Variants in ASTN1 observed in about 807,000 individuals in gnomAD.
ASTN1 encodes astrotactin-1.
A neutral mutation model predicts 140.7 loss-of-function variants in ASTN1; 41 were observed. The ratio of observed to expected loss-of-function variants is 0.29; its 90% CI spans 0.23 to 0.38. The LOEUF (loss-of-function observed/expected upper bound fraction) is 0.38. ASTN1 is among the 10% of genes least tolerant of loss of function. The pLI is 1.00. For missense variants in ASTN1, 1,479 were observed against 1,678.8 expected (o/e 0.88, Z 2.08); for synonymous variants, 640 against 652.2 (o/e 0.98, Z 0.29).
At chr1:177,107,237 G>C (rs1250933903) in intron 1 of ASTN1, among the ~76,000 whole-genome samples, 1 of 152,092 alleles carries the variant, frequency 6.6e-6, no homozygotes, top group East Asian at 1.9e-4. Flanking sequence ...TGCTGGTAGA[G>C]GGTTCATAGC....
intron 1 of ASTN1, among the ~76,000 whole-genome samples, chr1:177,088,168 T>A (rs1679570377): frequency 6.6e-6 from 1 of 152,202 alleles, no homozygotes; most frequent in African/African-American, 2.4e-5. Flanking sequence ...TCTGAATGCC[T>A]CAGATGTGAC....
intron 2 of ASTN1, among the ~76,000 whole-genome samples, chr1:177,056,584 T>TATAC (rs1314323773): frequency 7.9e-6 from 1 of 126,654 alleles, no homozygotes; most frequent in Non-Finnish European, 1.8e-5. Flanking sequence ...TATATATATA[T>TATAC]ATACACATAT....
At chr1:177,138,712 A>G (rs1270454351) in intron 1 of ASTN1, among the ~76,000 whole-genome samples, 3 of 152,208 alleles carry the variant, frequency 2.0e-5, no homozygotes, top group Non-Finnish European at 4.4e-5. Context: ...GAAAGCTTTC[A>G]TTAATCAGGA....
Position 177,014,049 on chromosome 1 carries a change from T to TA in ASTN1, c.1523+741dup, listed in dbSNP as rs752231658. On this transcript the variant is annotated intron_variant, in intron 8 of 22. Coordinates refer to ENST00000361833, the MANE Select transcript of ASTN1 (RefSeq NM_004319.3). The stretch of plus-strand genomic sequence containing the variant: ...CAACAAAGCAAGACAATGTCTCAAT[T>TA]AAAAAAAAAAAAAAGGCAATAGAAA... Among the ~76,000 whole-genome samples, 1,093 of 134,676 alleles carry TA rather than the reference T, an allele frequency of 8.1e-3. 13 individuals carry two copies. Among genetic ancestry groups the TA allele is most frequent in the African/African-American group, 0.025 (896 of 36,408 alleles). 88.4% of individuals were successfully genotyped at this position (134,676 alleles called of 152,430 possible).
chr1:177,032,774 G>A lies in ASTN1; in HGVS notation c.547C>T (p.Arg183Cys), dbSNP rs760958680. Residue 183 changes from arginine (R) to cysteine (C), a missense_variant, in exon 3 of 23, where the codon CGC (arginine) becomes TGC (cysteine). Arg to Cys is a radical substitution (Grantham distance 180). This residue lies in a region of ASTN1 where 729 missense variants were observed against 860.4 expected (regional missense o/e 0.85). Transcript: ENST00000361833. Reference sequence around the variant, plus strand: ...TTCTGGGGCTGCGGGACCCGGCGGCGTTTGCACCAGCGCCGGCGAGTATAC... The same window carrying A: ...TTCTGGGGCTGCGGGACCCGGCGGCATTTGCACCAGCGCCGGCGAGTATAC... ...ILYTRRRWCKRRRVPQPQKSA... is the reference protein window; with the variant it reads ...ILYTRRRWCKCRRVPQPQKSA... 4.3e-6 allele frequency: 7 copies of A among 1,613,248 alleles called. No individual in the cohort carries two copies. Among genetic ancestry groups the A allele is most frequent in the Admixed American group, 1.7e-5 (1 of 60,018 alleles).
In ASTN1 at chr1:177,061,361, C is replaced by T. The variant is rs952960302; in HGVS notation, c.284-96G>A. 1.3e-5 allele frequency: 16 copies of T among 1,238,424 alleles called. No individual in the cohort carries two copies. In the Admixed American group the frequency reaches 4.5e-4, roughly 34 times the overall value. The allele number at this position is 1,238,424 out of a possible 1,614,324, so 76.7% of individuals were successfully genotyped here. A position where few individuals can be genotyped will look rare whatever the true frequency, so the allele number is the denominator to read the frequency against. On this transcript the variant is annotated intron_variant, in intron 1 of 22. Coordinates refer to ENST00000361833, the MANE Select transcript of ASTN1 (RefSeq NM_004319.3). ...ACTTGTACCAATTAGCCAGTTTCGT[C>T]TGAAGCCAACAGAAGTTTCCAACAA...
chr1:177,104,454 A>G (rs1680449588), intron 1 of ASTN1, among the ~76,000 whole-genome samples: 1 of 152,238 alleles, frequency 6.6e-6, no homozygotes, highest in African/African-American at 2.4e-5. Context: ...TAATGTTATT[A>G]AAACAAAGTC....
chr1:177,146,077 T>C (rs547782022), intron 1 of ASTN1, among the ~76,000 whole-genome samples: 1 of 152,302 alleles, frequency 6.6e-6, no homozygotes, highest in African/African-American at 2.4e-5. Flanking sequence ...CACTGCACGT[T>C]AACATAAGCC....
intron 14 of ASTN1, among the ~76,000 whole-genome samples, chr1:176,940,489 T>C (rs550691776): frequency 1.3e-5 from 2 of 152,326 alleles, no homozygotes; most frequent in East Asian, 3.9e-4. Context: ...GATGCTCACT[T>C]CTAGTTAAGC....
At chr1:176,941,540 A>G (rs1671714167) in intron 14 of ASTN1, among the ~76,000 whole-genome samples, 1 of 152,168 alleles carries the variant, frequency 6.6e-6, no homozygotes, top group South Asian at 2.1e-4. Flanking sequence ...GTCCAATGGC[A>G]TGTGCAGGAA....
intron 2 of ASTN1, among the ~76,000 whole-genome samples, chr1:177,051,957 C>T (rs1342465792): frequency 6.6e-6 from 1 of 152,070 alleles, no homozygotes; most frequent in Non-Finnish European, 1.5e-5. Context: ...GAAGTTGGAG[C>T]TGAAATTATC....
At chr1:177,142,726 C>G (rs542630964) in intron 1 of ASTN1, among the ~76,000 whole-genome samples, 1 of 152,028 alleles carries the variant, frequency 6.6e-6, no homozygotes, top group Non-Finnish European at 1.5e-5. Context: ...TATCCTGTAC[C>G]GAAAAACACT....
At chr1:176,941,878 C>A (rs1671728862) in intron 14 of ASTN1, among the ~76,000 whole-genome samples, 1 of 152,122 alleles carries the variant, frequency 6.6e-6, no homozygotes, top group Admixed American at 6.5e-5. Flanking sequence ...TGTGTCTGCC[C>A]AAATGGTGTG....
At chr1:177,012,740 C>G (rs1675352261) in intron 8 of ASTN1, among the ~76,000 whole-genome samples, 1 of 152,190 alleles carries the variant, frequency 6.6e-6, no homozygotes, top group African/African-American at 2.4e-5. Context: ...CCCATCCTCA[C>G]ATGATCTGTC....
chr1:177,075,898 T>A (rs991634597), intron 1 of ASTN1, among the ~76,000 whole-genome samples: 3 of 151,988 alleles, frequency 2.0e-5, no homozygotes, highest in Non-Finnish European at 2.9e-5. Flanking sequence ...TGCCTCATCC[T>A]CCCAAAGCAC....
At chr1:177,038,481 G>A (rs1271307739) in intron 2 of ASTN1, among the ~76,000 whole-genome samples, 1 of 152,048 alleles carries the variant, frequency 6.6e-6, no homozygotes, top group Non-Finnish European at 1.5e-5. Context: ...AAAGAGGGAG[G>A]AAGGAAAGAA....
intron 14 of ASTN1, 86 bp downstream of exon 14, chr1:176,943,805 A>G (rs900916657): frequency 1.7e-5 from 25 of 1,456,502 alleles, no homozygotes; most frequent in Non-Finnish European, 2.1e-5. Context: ...AGAAACCAAA[A>G]TAAGTGAGGT....
chr1:177,129,189 T>A (rs377418989), intron 1 of ASTN1, among the ~76,000 whole-genome samples: 1 of 152,176 alleles, frequency 6.6e-6, no homozygotes, highest in Non-Finnish European at 1.5e-5. Flanking sequence ...AATTTCCCAG[T>A]AGGCATATGT....
chr1:177,024,788 C>A, intron 5 of ASTN1, 56 bp from the exon 6 acceptor site: 1 of 1,573,042 alleles, frequency 6.4e-7, no homozygotes, highest in East Asian at 2.3e-5. Context: ...CATTGAGAGT[C>A]CAACTTGGCT....
Sources: allele counts gnomAD v4.1 joint callset (sites outside exome capture counted in the v4.1 genomes callset), GRCh38; gene constraint gnomAD v4.1.1; regional missense constraint gnomAD v4.1.1; transcripts MANE v1.5; gene names NCBI Gene and HGNC (gene_info 2026-07-23, HGNC 2026-07-21).